Variants in RAPGEF2 observed in about 807,000 individuals in gnomAD.
RAPGEF2 encodes the protein PDZ domain containing guanine nucleotide exchange factor (GEF) 1.
In RAPGEF2, 54 loss-of-function variants were observed where a neutral mutation model predicts 186.7. That is an observed-to-expected ratio of 0.29 (90% CI 0.23 to 0.36). The LOEUF is 0.36. Ranked by LOEUF, RAPGEF2 falls within the 10% of genes least tolerant of loss-of-function variation. The pLI is 1.00. For synonymous variants in RAPGEF2, 712 were observed against 705.9 expected, an observed-to-expected ratio of 1.01 and a Z score of -0.14; for missense variants, 1,532 against 2,045.0, an observed-to-expected ratio of 0.75 and a Z score of 4.84.
intron 3 of RAPGEF2, among the ~76,000 whole-genome samples, chr4:159,208,296 GAAACCAAACA>G (rs879425919): frequency 6.6e-6 from 1 of 152,202 alleles, no homozygotes; most frequent in Non-Finnish European, 1.5e-5. Context: ...TCACAATACA[GAAACCAAACA>G]AAACAAGGAC....
chr4:159,294,643 C>CTTCT (rs1761695450), intron 7 of RAPGEF2, among the ~76,000 whole-genome samples: 1 of 105,166 alleles, frequency 9.5e-6, no homozygotes. Flanking sequence ...TTCTTCCTTC[C>CTTCT]TTCCTTCCTT....
At chr4:159,309,761 G>A (rs1436444902) in intron 8 of RAPGEF2, among the ~76,000 whole-genome samples, 1 of 152,134 alleles carries the variant, frequency 6.6e-6, no homozygotes, top group African/African-American at 2.4e-5. Context: ...AGGCAAACCG[G>A]AAATAGTTGT....
intron 9 of RAPGEF2, among the ~76,000 whole-genome samples, chr4:159,320,410 C>G (rs115531619): frequency 2.0e-5 from 3 of 152,172 alleles, no homozygotes; most frequent in African/African-American, 7.2e-5. Flanking sequence ...ATAAAAGTTT[C>G]ATGAAACAGA....
intron 7 of RAPGEF2, among the ~76,000 whole-genome samples, chr4:159,271,330 T>G: frequency 6.6e-6 from 1 of 152,226 alleles, no homozygotes; most frequent in East Asian, 1.9e-4. Context: ...GAAATTGATT[T>G]ATGTAGTGTG....
chr4:159,114,120 T>G (rs71609028), intron 1 of RAPGEF2, among the ~76,000 whole-genome samples: 26,656 of 135,752 alleles, frequency 0.2, 2,388 homozygotes, highest in Admixed American at 0.25. Context: ...ACCTGGCTAA[T>G]TTTTTTTTTT....
intron 17 of RAPGEF2, among the ~76,000 whole-genome samples, chr4:159,335,282 A>C (rs997574320): frequency 2.6e-5 from 4 of 152,254 alleles, no homozygotes; most frequent in South Asian, 4.2e-4. Context: ...GAAAAAGACT[A>C]ATGAACCCAG....
chr4:159,331,356 T>TCC, intron 13 of RAPGEF2, 75 bp from the exon 14 acceptor site: 1 of 805,896 alleles, frequency 1.2e-6, no homozygotes, highest in Non-Finnish European at 2.0e-6. Flanking sequence ...GAAAGTTGGA[T>TCC]ATCTTTTCTG....
At chr4:159,200,360 C>T (rs1749274222) in intron 3 of RAPGEF2, among the ~76,000 whole-genome samples, 1 of 151,948 alleles carries the variant, frequency 6.6e-6, no homozygotes, top group Non-Finnish European at 1.5e-5. Context: ...CAGCACTGCT[C>T]AGGAGGCTGA....
At chr4:159,223,472 A>G (rs1751727846) in intron 4 of RAPGEF2, among the ~76,000 whole-genome samples, 1 of 152,220 alleles carries the variant, frequency 6.6e-6, no homozygotes, top group Non-Finnish European at 1.5e-5. Flanking sequence ...AAACATTTTC[A>G]GATAGTTTTA....
rs1731556211 is a variant in RAPGEF2 at position 159,353,820 on chromosome 4, A to G, written c.4425A>G (p.Arg1475=). The change falls in exon 28 of 30, where the codon AGA becomes AGG. Residue 1475 remains arginine (R), a synonymous_variant. Coordinates refer to ENST00000691494, the MANE Select transcript of RAPGEF2 (RefSeq NM_001394067.2). This position sits in a 1 kb window ranked among gnomAD's most constrained non-coding sequence, Gnocchi z 4.3. ...STKYNRQNQS[R]ESLEQAQSRA... is the part of the protein sequence containing the mutation. ...AGTATAACAGGCAAAATCAAAGTAGAGAGAGCCTTGAACAAGCCCAGTCCC... is the reference window on the plus strand; with the variant it reads ...AGTATAACAGGCAAAATCAAAGTAGGGAGAGCCTTGAACAAGCCCAGTCCC... 2 of 1,614,222 alleles carry G rather than the reference A, an allele frequency of 1.2e-6. No homozygotes were observed.
chr4:159,231,470 T>C (rs971862801), intron 4 of RAPGEF2, among the ~76,000 whole-genome samples: 2 of 152,088 alleles, frequency 1.3e-5, no homozygotes, highest in Non-Finnish European at 1.5e-5. Flanking sequence ...ATGAATCATA[T>C]ATCCGTGTGA....
chr4:159,108,450 TA>T (rs1288994444), intron 1 of RAPGEF2, among the ~76,000 whole-genome samples: 2 of 142,006 alleles, frequency 1.4e-5, no homozygotes, highest in Non-Finnish European at 3.1e-5. Flanking sequence ...AGAAGGAACA[TA>T]AAATAAAAAC....
intron 4 of RAPGEF2, among the ~76,000 whole-genome samples, chr4:159,214,065 A>G (rs1750777862): frequency 6.6e-6 from 1 of 152,234 alleles, no homozygotes; most frequent in African/African-American, 2.4e-5. Context: ...CTTATTTAAA[A>G]TGAATTCAGT....
At chr4:159,139,267 G>T (rs4691544) in intron 1 of RAPGEF2, among the ~76,000 whole-genome samples, 95,712 of 152,056 alleles carry the variant, frequency 0.63, 30,993 homozygotes, top group African/African-American at 0.79. Flanking sequence ...AGTGCAATGA[G>T]GAAGCAGTGT....
rs1307275485 is a variant in RAPGEF2 at position 159,277,279 on chromosome 4, T to G, written c.544-27063T>G. On this transcript the variant is annotated intron_variant, in intron 7 of 29. Coordinates refer to ENST00000691494, the MANE Select transcript of RAPGEF2 (RefSeq NM_001394067.2). ...CATCATTTTTTATGGCTACATAGTATTCCATGGTGTATATGTGCCACATTT... is the reference window on the plus strand; with the variant it reads ...CATCATTTTTTATGGCTACATAGTAGTCCATGGTGTATATGTGCCACATTT... Among the ~76,000 whole-genome samples the G allele has an allele frequency of 2.0e-5, 3 of 152,178 alleles. No homozygotes were observed. The East Asian group carries it at 5.8e-4, about 29-fold the overall frequency.
intron 7 of RAPGEF2, among the ~76,000 whole-genome samples, chr4:159,273,798 T>G (rs1561189360): frequency 6.6e-6 from 1 of 152,110 alleles, no homozygotes; most frequent in Non-Finnish European, 1.5e-5. Context: ...TGACATTTCT[T>G]TCTCTTTTTT....
At position 159,347,593 on chromosome 4, in the gene RAPGEF2, G is replaced by A. The variant is rs539480829; in HGVS notation, c.3712+595G>A. Among the ~76,000 whole-genome samples, 223 of 152,166 alleles carry A rather than the reference G, an allele frequency of 1.5e-3. 1 individual carries two copies. Among genetic ancestry groups the A allele is most frequent in the Middle Eastern group, 3.4e-3 (1 of 294 alleles). On this transcript the variant is annotated intron_variant, in intron 25 of 29. Transcript: ENST00000691494. ...AGGTCAGGAGATCCAGACCATCCTG[G>A]CTAACACGGTGAAACCCTGTCTCTA...
intron 4 of RAPGEF2, among the ~76,000 whole-genome samples, chr4:159,228,872 T>C (rs1752317181): frequency 6.6e-6 from 1 of 152,244 alleles, no homozygotes; most frequent in South Asian, 2.1e-4. Context: ...CTTTTATACT[T>C]ATATTAAAAT....
At chr4:159,262,303 T>C (rs1013689180) in intron 7 of RAPGEF2, among the ~76,000 whole-genome samples, 1 of 152,246 alleles carries the variant, frequency 6.6e-6, no homozygotes, top group Non-Finnish European at 1.5e-5. Context: ...ATCATTGTGC[T>C]CATGCAACAT....
Sources: gnomAD v4.1 joint callset for allele counts (sites outside exome capture counted in the v4.1 genomes callset) on GRCh38, gnomAD v4.1.1 for gene constraint, Gnocchi (gnomAD v3.1) non-coding constraint, MANE v1.5 for transcripts, NCBI Gene and HGNC (gene_info 2026-07-23, HGNC 2026-07-21) for gene names.